AKAP6: variants seen among roughly 807,000 people sequenced by gnomAD.
AKAP6 encodes A-kinase anchor protein 6.
AKAP6 carries 58 observed loss-of-function variants against 188.5 expected under a neutral mutation model. The ratio of observed to expected loss-of-function variants is 0.31; its 90% CI spans 0.25 to 0.38. The LOEUF (loss-of-function observed/expected upper bound fraction) is 0.38. AKAP6 is among the 10% of genes least tolerant of loss of function. AKAP6 has a pLI of 1.00. For missense variants in AKAP6, 2,710 were observed against 2,740.0 expected (o/e 0.99, Z 0.24); for synonymous variants, 989 against 998.6 (o/e 0.99, Z 0.18).
chr14:32,426,441 C>G (rs757842901), intron 1 of AKAP6, among the ~76,000 whole-genome samples: 1 of 152,176 alleles, frequency 6.6e-6, no homozygotes, highest in Non-Finnish European at 1.5e-5. Context: ...GATTTAAATT[C>G]TAACCACTAA....
Position 32,419,320 on chromosome 14 carries a change from T to G in AKAP6, c.-34-14140T>G, listed in dbSNP as rs115782269. On this transcript the variant is annotated intron_variant, in intron 1 of 13. Coordinates refer to ENST00000280979, the MANE Select transcript of AKAP6 (RefSeq NM_004274.5). ...TCAGAGTCTTCTAAGGCAAACTCTT[T>G]TTACATGTCTGGGAGTCTATAGTGA... 9.8e-3 allele frequency among the ~76,000 whole-genome samples: 1,487 copies of G among 152,288 alleles called. 24 individuals are homozygous for G. Among genetic ancestry groups the G allele is most frequent in the African/African-American group, 0.034 (1,432 of 41,578 alleles).
At position 32,599,422 on chromosome 14, in the gene AKAP6, A is replaced by T. The variant is rs748698215; in HGVS notation, c.2482A>T (p.Asn828Tyr). The change falls in exon 6 of 14, where the codon AAT becomes TAT. Residue 828 changes from asparagine to tyrosine, a missense_variant. By Grantham distance (143) the Asn-to-Tyr change is moderately radical. Around this residue, in one of 2 missense-constraint regions of AKAP6, gnomAD observed 2,473 missense variants for 2,426.1 expected, o/e 1.02. Transcript: ENST00000280979. ...TTTTTCCTTGCAGAGTTTTAAGTTG[A>T]ATGTAGACAGTCATTGTGCTCTCAA... The part of the protein sequence containing the change: ...YLETHLSFKL[N>Y]VDSHCALKEA... The T allele has an allele frequency of 6.2e-7, 1 of 1,612,694 alleles. No individual in the cohort carries two copies. The highest frequency in any genetic ancestry group is 1.1e-5 in the South Asian group (1 of 90,852).
chr14:32,548,607 CTAGA>C (rs1240498886), intron 4 of AKAP6, among the ~76,000 whole-genome samples: 1 of 151,810 alleles, frequency 6.6e-6, no homozygotes, highest in Non-Finnish European at 1.5e-5. Context: ...TGGTAGGTAG[CTAGA>C]TAGAGACAAA....
chr14:32,340,021 T>G (rs1389497665), intron 1 of AKAP6, among the ~76,000 whole-genome samples: 1 of 151,692 alleles, frequency 6.6e-6, no homozygotes, highest in African/African-American at 2.4e-5. Context: ...GACAGTATCC[T>G]ATTTTTAGAA....
intron 5 of AKAP6, among the ~76,000 whole-genome samples, chr14:32,593,985 A>T (rs1885586929): frequency 6.6e-6 from 1 of 152,206 alleles, no homozygotes; most frequent in African/African-American, 2.4e-5. Flanking sequence ...AAAATGTCAC[A>T]AAGTACCATC....
At chr14:32,564,443 A>T (rs1309702550) in intron 4 of AKAP6, among the ~76,000 whole-genome samples, 1 of 152,234 alleles carries the variant, frequency 6.6e-6, no homozygotes, top group African/African-American at 2.4e-5. Flanking sequence ...CAAACCCCTG[A>T]TTGCTAAATA....
intron 8 of AKAP6, among the ~76,000 whole-genome samples, chr14:32,689,478 TAGAA>T (rs781079990): frequency 1.3e-5 from 2 of 152,202 alleles, no homozygotes; most frequent in Non-Finnish European, 2.9e-5. Flanking sequence ...AAATTACTGC[TAGAA>T]AGAACTCCAT....
chr14:32,627,094 A>G (rs1170862291), intron 7 of AKAP6, among the ~76,000 whole-genome samples: 1 of 152,134 alleles, frequency 6.6e-6, no homozygotes, highest in African/African-American at 2.4e-5. Context: ...TCCTCAGAGC[A>G]ACACATTATG....
At chr14:32,529,131 T>C (rs557638026) in intron 2 of AKAP6, among the ~76,000 whole-genome samples, 1 of 152,348 alleles carries the variant, frequency 6.6e-6, no homozygotes, top group South Asian at 2.1e-4. Context: ...TGCATGTATT[T>C]ACTTCCTTGA....
chr14:32,700,809 A>G (rs1008721101), intron 9 of AKAP6, among the ~76,000 whole-genome samples: 1 of 152,200 alleles, frequency 6.6e-6, no homozygotes, highest in South Asian at 2.1e-4. Context: ...CACTGCTTGA[A>G]TGGAGACCAG....
chr14:32,401,657 C>T (rs1287057814), intron 1 of AKAP6, among the ~76,000 whole-genome samples: 1 of 152,188 alleles, frequency 6.6e-6, no homozygotes, highest in East Asian at 1.9e-4. Context: ...CTTATATTCT[C>T]TTTTTATATA....
chr14:32,667,627 AT>A (rs145354377), intron 7 of AKAP6, among the ~76,000 whole-genome samples: 16 of 152,178 alleles, frequency 1.1e-4, no homozygotes, highest in Admixed American at 5.2e-4. Context: ...GTCGGTTTGA[AT>A]GATTCTCTTT....
chr14:32,674,088 A>G (rs569285700), intron 7 of AKAP6, among the ~76,000 whole-genome samples: 135 of 152,320 alleles, frequency 8.9e-4, no homozygotes, highest in African/African-American at 3.2e-3. Context: ...TAGCAAGACA[A>G]TGTTCCAGTG....
In AKAP6 at chr14:32,545,413, G is replaced by C; in HGVS notation, c.760G>C (p.Asp254His). Reference sequence around the variant, plus strand: ...TAGCCAAGTCAAAACCAAACCCTTTGACTCTTGGAGCTACAGTGAGATGGA... The same window carrying C: ...TAGCCAAGTCAAAACCAAACCCTTTCACTCTTGGAGCTACAGTGAGATGGA... ...TSSQVKTKPF[D>H]SWSYSEMEKE... Residue 254 changes from aspartate to histidine, a missense_variant, in exon 4 of 14, where the codon GAC becomes CAC. By Grantham distance (81) the Asp-to-His change is moderately conservative. Around this residue, in one of 2 missense-constraint regions of AKAP6, gnomAD observed 237 missense variants for 313.9 expected, o/e 0.76. Coordinates refer to ENST00000280979, the MANE Select transcript of AKAP6 (RefSeq NM_004274.5). 6.2e-7 allele frequency: 1 copy of C among 1,614,172 alleles called. No homozygotes were observed. The highest frequency in any genetic ancestry group is 8.5e-7 in the Non-Finnish European group (1 of 1,180,020).
At chr14:32,720,484 T>C (rs2030474233) in intron 9 of AKAP6, among the ~76,000 whole-genome samples, 1 of 152,216 alleles carries the variant, frequency 6.6e-6, no homozygotes. Flanking sequence ...TCATGGAAGA[T>C]AGAAGAATGT....
intron 9 of AKAP6, among the ~76,000 whole-genome samples, chr14:32,708,096 A>T (rs17439404): frequency 0.026 from 3,987 of 152,200 alleles, 87 homozygotes; most frequent in Admixed American, 0.051. Flanking sequence ...ATGATTATTT[A>T]TACATGTGAA....
intron 11 of AKAP6, among the ~76,000 whole-genome samples, chr14:32,762,082 G>C (rs1011208882): frequency 6.6e-6 from 1 of 152,150 alleles, no homozygotes; most frequent in Non-Finnish European, 1.5e-5. Flanking sequence ...TTAAGGAAAA[G>C]TATTTTGTAG....
intron 9 of AKAP6, among the ~76,000 whole-genome samples, chr14:32,720,120 T>C (rs1223522342): frequency 6.6e-6 from 1 of 152,226 alleles, no homozygotes; most frequent in Admixed American, 6.5e-5. Flanking sequence ...GATTGTATAT[T>C]AAAACAACAA....
At chr14:32,556,576 C>A (rs1165499093) in intron 4 of AKAP6, among the ~76,000 whole-genome samples, 1 of 152,148 alleles carries the variant, frequency 6.6e-6, no homozygotes, top group Non-Finnish European at 1.5e-5. Flanking sequence ...CTCCTGGGCT[C>A]AAGCAATCCA....
Sources: allele counts gnomAD v4.1 joint callset (sites outside exome capture counted in the v4.1 genomes callset), GRCh38; gene constraint gnomAD v4.1.1; regional missense constraint gnomAD v4.1.1; transcripts MANE v1.5; gene names NCBI Gene and HGNC (gene_info 2026-07-23, HGNC 2026-07-21).